UTRN: variants seen among roughly 807,000 people sequenced by gnomAD.
The protein encoded by UTRN is dystrophin-related protein 1.
Under a neutral mutation model 463.9 loss-of-function variants are expected in UTRN, and 283 were observed. That is an observed-to-expected ratio of 0.61 (90% confidence interval 0.55 to 0.67). The LOEUF is 0.67. Among genes scored for constraint, UTRN ranks in the 30% least tolerant of loss-of-function variants. The probability of loss-of-function intolerance (pLI) is 0.00; values close to 1 mark genes in which losing one functional copy is unlikely to be tolerated. For synonymous variants in UTRN, 1,442 were observed against 1,431.5 expected (o/e 1.01, Z -0.17); for missense variants, 3,922 against 4,084.3 (o/e 0.96, Z 1.08).
At chr6:144,554,110 G>A (rs1384501279) in intron 48 of UTRN, among the ~76,000 whole-genome samples, 1 of 152,128 alleles carries the variant, frequency 6.6e-6, no homozygotes, top group Non-Finnish European at 1.5e-5. Flanking sequence ...GAGCTGCTGG[G>A]TGCACAGTTC....
chr6:144,571,561 G>A (rs1046038787), intron 50 of UTRN, among the ~76,000 whole-genome samples: 5 of 151,942 alleles, frequency 3.3e-5, no homozygotes, highest in African/African-American at 1.2e-4. Context: ...TCCTATTTTG[G>A]TAAATACATA....
chr6:144,336,660 G>T (rs1415251286), intron 2 of UTRN, among the ~76,000 whole-genome samples: 1 of 151,974 alleles, frequency 6.6e-6, no homozygotes, highest in Non-Finnish European at 1.5e-5. Flanking sequence ...CCAGCAGGTT[G>T]CCACCTGATT....
intron 33 of UTRN, among the ~76,000 whole-genome samples, chr6:144,495,291 C>G (rs1793509921): frequency 6.6e-6 from 1 of 152,238 alleles, no homozygotes. Context: ...CGAGCCCTGC[C>G]CCGCAGGAAG....
At position 144,485,495 on chromosome 6, in the gene UTRN, G is replaced by A. The variant is rs781745538; in HGVS notation, c.3798G>A (p.Thr1266=). ...MKSTEVLPEK[T]DAVNEALESL... Reference sequence around the variant, plus strand: ...GCACAGAGGTCCTGCCTGAGAAGACGGATGCTGTCAACGAAGCCCTGGAGG... The same window carrying A: ...GCACAGAGGTCCTGCCTGAGAAGACAGATGCTGTCAACGAAGCCCTGGAGG... The change falls in exon 28 of 75, where the codon ACG becomes ACA. Residue 1266 remains threonine (T), a synonymous_variant. Transcript: ENST00000367545. 1.5e-5 allele frequency: 24 copies of A among 1,614,058 alleles called. No homozygotes were observed. The highest frequency in any genetic ancestry group is 2.2e-5 in the East Asian group (1 of 44,872).
Position 144,810,113 on chromosome 6 carries a change from T to G in UTRN, c.9357+6966T>G, listed in dbSNP as rs538041635. 7.2e-5 allele frequency among the ~76,000 whole-genome samples: 11 copies of G among 152,250 alleles called. No homozygotes were observed. In the East Asian group the frequency reaches 1.5e-3, roughly 21 times the overall value. On this transcript the variant is annotated intron_variant, in intron 65 of 74. Transcript: ENST00000367545. ...AGCAAGGCCTGTTTGTTCAGATTCTTTTCTGTGTCCTTCTGTTTTCAGTGA... is the reference window on the plus strand; with the variant it reads ...AGCAAGGCCTGTTTGTTCAGATTCTGTTCTGTGTCCTTCTGTTTTCAGTGA...
intron 1 of UTRN, among the ~76,000 whole-genome samples, chr6:144,290,586 A>G (rs1804132683): frequency 6.6e-6 from 1 of 152,112 alleles, no homozygotes; most frequent in South Asian, 2.1e-4. Flanking sequence ...TCCCCAACAT[A>G]TTACTATGAA....
At chr6:144,701,450 G>A (rs1586102594) in intron 53 of UTRN, among the ~76,000 whole-genome samples, 1 of 152,086 alleles carries the variant, frequency 6.6e-6, no homozygotes, top group African/African-American at 2.4e-5. Context: ...CTATGCAAAT[G>A]TATACTTTTA....
chr6:144,765,064 G>A (rs533559618), intron 58 of UTRN, among the ~76,000 whole-genome samples: 1 of 152,182 alleles, frequency 6.6e-6, no homozygotes, highest in South Asian at 2.1e-4. Flanking sequence ...GGGAGGTGGG[G>A]TTCCCTATGA....
At chr6:144,387,867 G>C (rs1401769628) in intron 2 of UTRN, among the ~76,000 whole-genome samples, 5 of 152,150 alleles carry the variant, frequency 3.3e-5, no homozygotes, top group African/African-American at 9.7e-5. Flanking sequence ...TGTAAATACA[G>C]ATATGCAGAA....
intron 23 of UTRN, among the ~76,000 whole-genome samples, chr6:144,463,503 G>A (rs1287684114): frequency 6.6e-6 from 1 of 152,114 alleles, no homozygotes; most frequent in Non-Finnish European, 1.5e-5. Context: ...AGATGGAGAA[G>A]CAGAGTTTCC....
In UTRN at chr6:144,317,225, A is replaced by G. The variant is rs569486028; in HGVS notation, c.79+25318A>G. ...GACAGCGAATGATATGGAGGAAGCT[A>G]TTTCTTCAGCTACATGTGATAATCT... On this transcript the variant is annotated intron_variant, in intron 2 of 74. Coordinates refer to ENST00000367545, the MANE Select transcript of UTRN (RefSeq NM_007124.3). Among the ~76,000 whole-genome samples the G allele has an allele frequency of 3.6e-4, 55 of 152,248 alleles. 1 individual carries two copies. The highest frequency in any genetic ancestry group is 5.9e-4 in the Admixed American group (9 of 15,296).
intron 2 of UTRN, among the ~76,000 whole-genome samples, chr6:144,305,595 G>A (rs1805659375): frequency 6.6e-6 from 1 of 152,208 alleles, no homozygotes. Context: ...AAGAAATGAG[G>A]GAAGAAGGAC....
chr6:144,804,558 T>C (rs1298739440), intron 65 of UTRN, among the ~76,000 whole-genome samples: 1 of 152,078 alleles, frequency 6.6e-6, no homozygotes. Context: ...CAGAAGGGAA[T>C]AGACTGGGGA....
chr6:144,553,178 C>T (rs1288893753), intron 48 of UTRN, among the ~76,000 whole-genome samples: 1 of 152,152 alleles, frequency 6.6e-6, no homozygotes, highest in Admixed American at 6.5e-5. Context: ...GCTGGGATTA[C>T]AGGCACCTGC....
At chr6:144,795,759 T>C (rs1777158195) in intron 63 of UTRN, among the ~76,000 whole-genome samples, 1 of 152,220 alleles carries the variant, frequency 6.6e-6, no homozygotes, top group South Asian at 2.1e-4. Flanking sequence ...TCTCTGTAGA[T>C]TCTGGATATT....
chr6:144,837,999 G>A (rs569223559), intron 71 of UTRN, among the ~76,000 whole-genome samples: 8 of 152,286 alleles, frequency 5.3e-5, no homozygotes, highest in South Asian at 2.1e-4. Flanking sequence ...TTTTCATTCC[G>A]CGAACTTGAA....
intron 2 of UTRN, among the ~76,000 whole-genome samples, chr6:144,353,683 C>T (rs1778309824): frequency 6.6e-6 from 1 of 152,124 alleles, no homozygotes; most frequent in South Asian, 2.1e-4. Flanking sequence ...CCTGTCTCTA[C>T]TAAAAATACA....
At chr6:144,435,883 C>T (rs1349519652) in intron 9 of UTRN, 52 bp from the exon 10 acceptor site, 2 of 1,586,134 alleles carry the variant, frequency 1.3e-6, no homozygotes, top group East Asian at 2.3e-5. Flanking sequence ...GTTTGCTGAA[C>T]ACCTCTTGCT....
chr6:144,472,771 T>TTA (rs1790796262), intron 23 of UTRN, among the ~76,000 whole-genome samples: 1 of 23,468 alleles, frequency 4.3e-5, no homozygotes, highest in Non-Finnish European at 8.8e-5. Context: ...CTTACTTGCA[T>TTA]TTTTTTTTTT....
Sources: gnomAD v4.1 joint callset for allele counts (sites outside exome capture counted in the v4.1 genomes callset) on GRCh38, gnomAD v4.1.1 for gene constraint, MANE v1.5 for transcripts, NCBI Gene and HGNC (gene_info 2026-07-23, HGNC 2026-07-21) for gene names.